The following MYRIP variants were observed in gnomAD, a reference collection of about 807,000 sequenced individuals.
MYRIP encodes the protein myosin VIIA and Rab interacting protein, also known as rab effector MyRIP.
Under a neutral mutation model 98.0 loss-of-function variants are expected in MYRIP, and 49 were observed. That is an observed-to-expected ratio of 0.50 (90% CI 0.40 to 0.63). The LOEUF (loss-of-function observed/expected upper bound fraction) is 0.63, where lower values mean the gene tolerates loss of function less well. Ranked by LOEUF, MYRIP falls within the 30% of genes least tolerant of loss-of-function variation. The probability of loss-of-function intolerance (pLI) is 0.00; values close to 1 mark genes in which losing one functional copy is unlikely to be tolerated. For synonymous variants in MYRIP, 404 were observed against 409.5 expected, an observed-to-expected ratio of 0.99 and a Z score of 0.16; for missense variants, 1,004 against 1,058.2, an observed-to-expected ratio of 0.95 and a Z score of 0.71.
chr3:40,103,674 G>A (rs567121422), intron 3 of MYRIP, among the ~76,000 whole-genome samples: 24 of 152,210 alleles, frequency 1.6e-4, no homozygotes, highest in South Asian at 1.0e-3. Context: ...CAGGAGAATC[G>A]CTTGAACCCA....
chr3:40,195,433 T>C (rs1951360173), intron 10 of MYRIP, among the ~76,000 whole-genome samples: 1 of 152,114 alleles, frequency 6.6e-6, no homozygotes, highest in East Asian at 1.9e-4. Flanking sequence ...GCTGGGACTA[T>C]AGGAGTTCAT....
chr3:40,137,142 C>T (rs931656528), intron 3 of MYRIP, among the ~76,000 whole-genome samples: 3 of 151,958 alleles, frequency 2.0e-5, no homozygotes, highest in African/African-American at 4.8e-5. Flanking sequence ...GCTAGCAAGA[C>T]TAATAAAGAA....
intron 1 of MYRIP, among the ~76,000 whole-genome samples, chr3:39,844,058 A>G (rs1941889204): frequency 6.6e-6 from 1 of 152,210 alleles, no homozygotes. Flanking sequence ...CTTCCTCTGC[A>G]GAGAGTGTTC....
intron 12 of MYRIP, among the ~76,000 whole-genome samples, chr3:40,238,021 T>C (rs1952869285): frequency 6.6e-6 from 1 of 152,174 alleles, no homozygotes; most frequent in Non-Finnish European, 1.5e-5. Flanking sequence ...TTAAAATACA[T>C]CCACTTACAG....
At chr3:40,165,608 A>G (rs1950483940) in intron 5 of MYRIP, among the ~76,000 whole-genome samples, 1 of 152,140 alleles carries the variant, frequency 6.6e-6, no homozygotes, top group Non-Finnish European at 1.5e-5. Context: ...TCTGGGGAAA[A>G]CTAAGAGAAG....
chr3:40,192,332 T>TATATATATATATATATGTC (rs1951253367), intron 10 of MYRIP, among the ~76,000 whole-genome samples: 1 of 131,750 alleles, frequency 7.6e-6, no homozygotes, highest in Admixed American at 7.8e-5. Context: ...ATATGTCATA[T>TATATATATATATATATGTC]ATATATATGT....
chr3:39,970,826 AG>A (rs925744900), intron 2 of MYRIP, among the ~76,000 whole-genome samples: 6 of 152,082 alleles, frequency 3.9e-5, no homozygotes, highest in African/African-American at 1.4e-4. Flanking sequence ...TAGGATTATA[AG>A]GGAGGATTTA....
intron 3 of MYRIP, among the ~76,000 whole-genome samples, chr3:40,130,573 G>T (rs1299495722): frequency 6.6e-6 from 1 of 151,502 alleles, no homozygotes; most frequent in East Asian, 1.9e-4. Context: ...GTAGAGACGG[G>T]GTTTCACCGT....
At chr3:39,838,875 C>T (rs1296794505) in intron 1 of MYRIP, among the ~76,000 whole-genome samples, 1 of 152,116 alleles carries the variant, frequency 6.6e-6, no homozygotes, top group Non-Finnish European at 1.5e-5. Flanking sequence ...TAATTACTGC[C>T]TCAATTTCAG....
intron 3 of MYRIP, among the ~76,000 whole-genome samples, chr3:40,144,514 C>T (rs1174184857): frequency 6.6e-6 from 1 of 152,214 alleles, no homozygotes; most frequent in Admixed American, 6.5e-5. Context: ...CCACTGATAC[C>T]ATGTGGACCC....
chr3:39,824,536 G>A (rs1009339937), intron 1 of MYRIP, among the ~76,000 whole-genome samples: 81 of 151,918 alleles, frequency 5.3e-4, no homozygotes, highest in African/African-American at 1.9e-3. Context: ...TTTTATCAGT[G>A]TTTTATATAG....
intron 4 of MYRIP, among the ~76,000 whole-genome samples, chr3:40,159,199 A>C (rs1367570636): frequency 6.6e-6 from 1 of 151,840 alleles, no homozygotes; most frequent in Admixed American, 6.6e-5. Context: ...GGTGGTGACA[A>C]AATCTCTCAG....
intron 2 of MYRIP, among the ~76,000 whole-genome samples, chr3:40,014,450 A>T (rs1186103032): frequency 6.6e-6 from 1 of 152,182 alleles, no homozygotes; most frequent in Admixed American, 6.5e-5. Context: ...GGATCTTGGG[A>T]TGAGAACAAT....
chr3:40,202,539 CT>C (rs1420523191), intron 10 of MYRIP, among the ~76,000 whole-genome samples: 3 of 152,152 alleles, frequency 2.0e-5, no homozygotes, highest in Non-Finnish European at 4.4e-5. Context: ...CCTTTAAGCC[CT>C]TTTGTGAAAA....
intron 2 of MYRIP, among the ~76,000 whole-genome samples, chr3:39,933,886 C>T (rs185424141): frequency 1.8e-4 from 27 of 152,296 alleles, no homozygotes; most frequent in African/African-American, 4.8e-4. Context: ...AGTTACACCA[C>T]TAGGTCTGTC....
intron 3 of MYRIP, among the ~76,000 whole-genome samples, chr3:40,119,470 A>C (rs542061860): frequency 9.0e-4 from 137 of 152,370 alleles, no homozygotes; most frequent in Non-Finnish European, 1.7e-3. Flanking sequence ...ATGTGTGTAT[A>C]AGTGCACAAG....
intron 1 of MYRIP, among the ~76,000 whole-genome samples, chr3:39,847,803 G>A (rs1942012575): frequency 6.6e-6 from 1 of 152,116 alleles, no homozygotes; most frequent in African/African-American, 2.4e-5. Flanking sequence ...AGCGTTTGCT[G>A]CCTTAGTAGT....
intron 4 of MYRIP, among the ~76,000 whole-genome samples, chr3:40,155,803 T>C (rs1403054772): frequency 6.6e-6 from 1 of 152,156 alleles, no homozygotes; most frequent in Non-Finnish European, 1.5e-5. Flanking sequence ...TTGAGAAGTG[T>C]CTGTTCATGT....
At chr3:39,842,758 C>CCA (rs1941843688) in intron 1 of MYRIP, among the ~76,000 whole-genome samples, 2 of 152,134 alleles carry the variant, frequency 1.3e-5, no homozygotes, top group Admixed American at 6.5e-5. Flanking sequence ...TGATTACCCC[C>CCA]CCTGCTTCTG....
Sources: allele counts gnomAD v4.1 joint callset (sites outside exome capture counted in the v4.1 genomes callset), GRCh38; gene constraint gnomAD v4.1.1; transcripts MANE v1.5; gene names NCBI Gene and HGNC (gene_info 2026-07-23, HGNC 2026-07-21).